The following EFCAB5 variants were observed in gnomAD, a reference collection of about 807,000 sequenced individuals.
The protein encoded by EFCAB5 is EF-hand calcium binding domain 5, also known as EF-hand calcium-binding domain-containing protein 5.
A neutral mutation model predicts 167.9 loss-of-function variants in EFCAB5; 131 were observed. The ratio of observed to expected loss-of-function variants is 0.78; its 90% confidence interval spans 0.68 to 0.90. EFCAB5 has a LOEUF of 0.90. Among genes scored for constraint, EFCAB5 ranks in the 40% least tolerant of loss-of-function variants. EFCAB5 has a pLI of 0.00. For synonymous variants in EFCAB5, 574 were observed against 602.8 expected (o/e 0.95, Z 0.70); for missense variants, 1,663 against 1,745.2 (o/e 0.95, Z 0.84).
intron 4 of EFCAB5, among the ~76,000 whole-genome samples, chr17:29,969,844 A>G (rs1253392481): frequency 3.9e-5 from 6 of 152,190 alleles, no homozygotes; most frequent in Non-Finnish European, 5.9e-5. Context: ...CTTTATACAT[A>G]CATAAGGAAA....
At chr17:29,975,326 C>A in intron 4 of EFCAB5, among the ~76,000 whole-genome samples, 1 of 151,824 alleles carries the variant, frequency 6.6e-6, no homozygotes, top group Non-Finnish European at 1.5e-5. Flanking sequence ...ATGGCACAAT[C>A]TCAGCTCACT....
chr17:30,049,891 A>C (rs1414891271), intron 8 of EFCAB5, among the ~76,000 whole-genome samples: 2 of 152,196 alleles, frequency 1.3e-5, no homozygotes, highest in Non-Finnish European at 2.9e-5. Context: ...ACGTTTGCAT[A>C]TGTACACAGG....
intron 14 of EFCAB5, among the ~76,000 whole-genome samples, chr17:30,076,857 T>G (rs1289312085): frequency 1.3e-5 from 2 of 152,178 alleles, no homozygotes; most frequent in African/African-American, 4.8e-5. Context: ...TAACACACAT[T>G]GGTGAAAATG....
intron 15 of EFCAB5, 94 bp from the exon 16 acceptor site, chr17:30,079,977 TG>T (rs2070950168): frequency 6.3e-6 from 9 of 1,424,578 alleles, no homozygotes; most frequent in Non-Finnish European, 8.5e-6. Context: ...ATGAAACTAC[TG>T]GGGCAAGATG....
chr17:30,085,730 A>C (rs150201568), intron 18 of EFCAB5, among the ~76,000 whole-genome samples: 3 of 150,564 alleles, frequency 2.0e-5, no homozygotes, highest in Non-Finnish European at 4.4e-5. Flanking sequence ...AAAAAAAAAA[A>C]AAAAAAAAGA....
Position 30,011,285 on chromosome 17 carries a change from C to T in EFCAB5, c.1044+11309C>T, listed in dbSNP as rs191982811. On this transcript the variant is annotated intron_variant, in intron 7 of 22. Transcript: ENST00000394835. Reference sequence around the variant, plus strand: ...TTGGCTTAGGATTGTCTTGGCGATGCAGGCTCTGTTTTGATTCCATATGAA... The same window carrying T: ...TTGGCTTAGGATTGTCTTGGCGATGTAGGCTCTGTTTTGATTCCATATGAA... 1.8e-3 allele frequency among the ~76,000 whole-genome samples: 270 copies of T among 152,244 alleles called. 2 individuals carry two copies. Among genetic ancestry groups the T allele is most frequent in the African/African-American group, 6.0e-3 (250 of 41,522 alleles).
At chr17:30,029,708 G>A (rs1285963033) in intron 7 of EFCAB5, among the ~76,000 whole-genome samples, 2 of 151,938 alleles carry the variant, frequency 1.3e-5, no homozygotes, top group African/African-American at 2.4e-5. Flanking sequence ...TGCACTCCTC[G>A]TATACTACCA....
At chr17:30,029,421 A>C (rs1056610094) in intron 7 of EFCAB5, among the ~76,000 whole-genome samples, 1 of 152,184 alleles carries the variant, frequency 6.6e-6, no homozygotes, top group African/African-American at 2.4e-5. Flanking sequence ...TAAATATTAT[A>C]CTGAAAGTGA....
At chr17:30,073,116 C>T (rs954957549) in intron 14 of EFCAB5, 25 of 693,272 alleles carry the variant, frequency 3.6e-5, no homozygotes, top group Non-Finnish European at 5.8e-5. Flanking sequence ...AGTGCAGTGG[C>T]GCAACTGTAG....
At chr17:30,036,338 TA>T (rs2069626182) in intron 8 of EFCAB5, among the ~76,000 whole-genome samples, 1 of 133,212 alleles carries the variant, frequency 7.5e-6, no homozygotes, top group African/African-American at 2.9e-5. Flanking sequence ...TATATAATTA[TA>T]TATAATACAC....
chr17:30,043,016 G>A (rs992013580), intron 8 of EFCAB5, among the ~76,000 whole-genome samples: 12 of 152,020 alleles, frequency 7.9e-5, no homozygotes, highest in African/African-American at 2.2e-4. Context: ...ATGGTGGCAC[G>A]TGCCTATAAT....
chr17:29,982,390 C>CA (rs565836607), intron 4 of EFCAB5, among the ~76,000 whole-genome samples: 3,127 of 144,368 alleles, frequency 0.022, 44 homozygotes, highest in Middle Eastern at 0.059. Context: ...AAGACTGTCT[C>CA]AAAAAAAAAA....
chr17:30,047,001 T>C (rs985631991), intron 8 of EFCAB5, among the ~76,000 whole-genome samples: 1 of 152,222 alleles, frequency 6.6e-6, no homozygotes, highest in African/African-American at 2.4e-5. Context: ...TGGGAATTGA[T>C]TATAGTACTT....
At chr17:29,929,905 A>T in intron 1 of EFCAB5, 1 of 1,561,932 alleles carries the variant, frequency 6.4e-7, no homozygotes, top group Non-Finnish European at 8.7e-7. Context: ...GCAGTGACAG[A>T]AGCAAGCGGA....
chr17:30,102,582 A>G (rs1437299769), intron 22 of EFCAB5, among the ~76,000 whole-genome samples: 1 of 151,816 alleles, frequency 6.6e-6, no homozygotes, highest in Admixed American at 6.6e-5. Context: ...TTTCCTTTAC[A>G]TTAGTCTTAG....
chr17:29,955,233 C>T (rs774469948), intron 3 of EFCAB5, among the ~76,000 whole-genome samples: 22 of 151,936 alleles, frequency 1.4e-4, no homozygotes, highest in African/African-American at 4.1e-4. Context: ...TGGGAGGGGC[C>T]GGGGCAGAAT....
intron 20 of EFCAB5, among the ~76,000 whole-genome samples, chr17:30,090,892 C>T (rs564340588): frequency 3.9e-4 from 59 of 152,148 alleles, no homozygotes; most frequent in Non-Finnish European, 5.7e-4. Context: ...TAGATTCCTA[C>T]AGTTTTAGAG....
intron 22 of EFCAB5, among the ~76,000 whole-genome samples, chr17:30,104,783 A>G (rs1458277352): frequency 6.6e-6 from 1 of 152,082 alleles, no homozygotes; most frequent in Non-Finnish European, 1.5e-5. Flanking sequence ...TCTGGAAAGG[A>G]CAGGGAAACA....
upstream of EFCAB5, among the ~76,000 whole-genome samples, chr17:29,940,411 T>C (rs1017303735): frequency 6.6e-6 from 1 of 152,130 alleles, no homozygotes; most frequent in East Asian, 1.9e-4. Context: ...GTCTTATTCA[T>C]CCTTTTAAGA....
Sources: gnomAD v4.1 joint callset for allele counts (sites outside exome capture counted in the v4.1 genomes callset) on GRCh38, gnomAD v4.1.1 for gene constraint, MANE v1.5 for transcripts, NCBI Gene and HGNC (gene_info 2026-07-23, HGNC 2026-07-21) for gene names.